The following CELSR3 variants were observed in gnomAD, a reference collection of about 807,000 sequenced individuals.
CELSR3 encodes the protein EGF-like protein 1.
A neutral mutation model predicts 270.0 loss-of-function variants in CELSR3; 73 were observed. The ratio of observed to expected loss-of-function variants is 0.27; its 90% CI spans 0.22 to 0.33. The LOEUF is 0.33. Ranked by LOEUF, CELSR3 falls within the 10% of genes least tolerant of loss-of-function variation. The pLI is 1.00. For missense variants in CELSR3, 3,614 were observed against 4,533.8 expected, an observed-to-expected ratio of 0.80 and a Z score of 5.83; for synonymous variants, 1,780 against 1,905.4, an observed-to-expected ratio of 0.93 and a Z score of 1.71.
Position 48,646,443 on chromosome 3 carries a change from G to T in CELSR3, c.7296-186C>A, listed in dbSNP as rs1575540545. Reference sequence around the variant, plus strand: ...GCTGAGGGGCTGAGCAGCTCCAGGGGACCTGCAACTGTTTGCCTCTGATTG... The same window carrying T: ...GCTGAGGGGCTGAGCAGCTCCAGGGTACCTGCAACTGTTTGCCTCTGATTG... On this transcript the variant is annotated intron_variant, in intron 21 of 34. Coordinates refer to ENST00000164024, the MANE Select transcript of CELSR3 (RefSeq NM_001407.3). This position sits in a 1 kb window ranked among gnomAD's most constrained non-coding sequence, Gnocchi z 4.8. Among the ~76,000 whole-genome samples the T allele has an allele frequency of 6.6e-6, 1 of 152,192 alleles. No homozygotes were observed. Among genetic ancestry groups the T allele is most frequent in the South Asian group, 2.1e-4 (1 of 4,836 alleles).
Position 48,657,477 on chromosome 3 carries a change from G to T in CELSR3, c.3749-129C>A. 1 of 950,330 alleles carries T rather than the reference G, an allele frequency of 1.1e-6. No homozygotes were observed. Among genetic ancestry groups the T allele is most frequent in the Non-Finnish European group, 1.5e-6 (1 of 658,034 alleles). 58.9% of individuals were successfully genotyped at this position (950,330 alleles called of 1,614,324 possible). ...CTAAGTCAGCAGGCTGACCCCACCA[G>T]GACACAAGGGAGTCTGGGGCTAGTG... is the stretch of plus-strand genomic sequence containing the variant. On this transcript the variant is annotated intron_variant, in intron 1 of 34. Coordinates refer to ENST00000164024, the MANE Select transcript of CELSR3 (RefSeq NM_001407.3). The surrounding 1 kb of genome is among the most constrained non-coding windows in gnomAD (Gnocchi z 5.4).
Position 48,641,730 on chromosome 3 carries a change from C to A in CELSR3, c.8824+121G>T, listed in dbSNP as rs1575538061. On this transcript the variant is annotated intron_variant, in intron 32 of 34. Coordinates refer to ENST00000164024, the MANE Select transcript of CELSR3 (RefSeq NM_001407.3). This position sits in a 1 kb window ranked among gnomAD's most constrained non-coding sequence, Gnocchi z 4.8. Reference sequence around the variant, plus strand: ...TGGACAGAGACTAAAAGTTGGGGAACCTGATGACTGAGGGGTCAGAAAGAC... The same window carrying A: ...TGGACAGAGACTAAAAGTTGGGGAAACTGATGACTGAGGGGTCAGAAAGAC... 3 of 1,087,642 alleles carry A rather than the reference C, an allele frequency of 2.8e-6. No individual in the cohort carries two copies. Among genetic ancestry groups the A allele is most frequent in the South Asian group, 3.4e-5 (2 of 58,750 alleles). The allele number at this position is 1,087,642 out of a possible 1,614,324, so 67.4% of individuals were successfully genotyped here.
rs758323399 is a variant in CELSR3 at position 48,658,940 on chromosome 3, C to T, written c.3695G>A (p.Arg1232Gln). Residue 1232 changes from arginine to glutamine, a missense_variant, in exon 1 of 35, where the codon CGA becomes CAA. Transcript: ENST00000164024. The surrounding 1 kb of genome is among the most constrained non-coding windows in gnomAD (Gnocchi z 4.7). ...NQTSGELRLSRKLDNNRPLVA... is the reference protein window; with the variant it reads ...NQTSGELRLSQKLDNNRPLVA... ...CAGTGGGCGGTTATTGTCTAGCTTT[C>T]GGCTGAGTCGCAGCTCCCCACTGGT... The T allele has an allele frequency of 6.8e-6, 11 of 1,614,158 alleles. No homozygotes were observed. The highest frequency in any genetic ancestry group is 2.2e-5 in the East Asian group (1 of 44,888).
chr3:48,646,609 C>T lies in CELSR3; in HGVS notation c.7295+154G>A, dbSNP rs1441500278. On this transcript the variant is annotated intron_variant, in intron 21 of 34. Transcript: ENST00000164024. The surrounding 1 kb of genome is among the most constrained non-coding windows in gnomAD (Gnocchi z 4.8). ...GTGGCTCTGTCACTCTGCACAACTCCAGAGAATAAGATTCACACAGAACCC... is the reference window on the plus strand; with the variant it reads ...GTGGCTCTGTCACTCTGCACAACTCTAGAGAATAAGATTCACACAGAACCC... Among the ~76,000 whole-genome samples, 1 of 152,218 alleles carries T rather than the reference C, an allele frequency of 6.6e-6. No homozygotes were observed. The highest frequency in any genetic ancestry group is 6.5e-5 in the Admixed American group (1 of 15,288).
rs748690909 is a variant in CELSR3, at chr3:48,661,163, C to G, written c.1472G>C (p.Arg491Pro). Reference sequence around the variant, plus strand: ...GCCGCTGGTGCTGATGAGGCCGGAGCGTGGATCAATCTCGAAGGCGGCGGC... The same window carrying G: ...GCCGCTGGTGCTGATGAGGCCGGAGGGTGGATCAATCTCGAAGGCGGCGGC... The part of the protein sequence containing the change: ...AAAAAFEIDP[R>P]SGLISTSGRV... The change falls in exon 1 of 35, where the codon CGC becomes CCC. Residue 491 changes from arginine (R) to proline (P), a missense_variant. Transcript: ENST00000164024. 2.5e-6 allele frequency: 4 copies of G among 1,601,082 alleles called. No homozygotes were observed. The African/African-American group carries it at 5.4e-5, about 21-fold the overall frequency.
At position 48,637,881 on chromosome 3, in the gene CELSR3, CTCTCCCTCTA is replaced by C. The variant is rs1559473954; in HGVS notation, c.*314_*323del. On this transcript the variant is annotated 3_prime_UTR_variant, in exon 35 of 35. Coordinates refer to ENST00000164024, the MANE Select transcript of CELSR3 (RefSeq NM_001407.3). ...GGACCCAAATGGGGTCAAACTGCAT[CTCTCCCTCTA>C]TCTCCCTCCCCCTCCCAGCCCAGCC... 2 of 364,352 alleles carry C rather than the reference CTCTCCCTCTA, an allele frequency of 5.5e-6. No homozygotes were observed. The highest frequency in any genetic ancestry group is 1.0e-5 in the Non-Finnish European group (2 of 194,322). 22.6% of individuals were successfully genotyped at this position (364,352 alleles called of 1,614,324 possible).
At position 48,655,079 on chromosome 3, in the gene CELSR3, T is replaced by C. The variant is rs112461559; in HGVS notation, c.4953A>G (p.Ser1651=). The change falls in exon 6 of 35, where the codon TCA becomes TCG. Residue 1651 remains serine, a synonymous_variant. Transcript: ENST00000164024. The surrounding 1 kb of genome is among the most constrained non-coding windows in gnomAD (Gnocchi z 5.8). Reference sequence around the variant, plus strand: ...TTGTTTGCACACCAGCAGCCGCGCATGAGTAGTTGCCAATCTCAGCACCAA... The same window carrying C: ...TTGTTTGCACACCAGCAGCCGCGCACGAGTAGTTGCCAATCTCAGCACCAA... The part of the protein sequence containing the change: ...LQFGAEIGNY[S]CAAAGVQTSS... 8.6e-5 allele frequency: 138 copies of C among 1,613,840 alleles called. 1 individual carries two copies. In the East Asian group the frequency reaches 1.2e-3, roughly 15 times the overall value.
At position 48,643,541 on chromosome 3, in the gene CELSR3, G is replaced by T. The variant is rs766797930; in HGVS notation, c.8289+13C>A. The T allele has an allele frequency of 1.4e-5, 22 of 1,548,328 alleles. No individual in the cohort carries two copies. The Admixed American group carries it at 3.1e-4, about 22-fold the overall frequency. On this transcript the variant is annotated intron_variant, in intron 28 of 34. Transcript: ENST00000164024. ...CACCTGGTTCTGGGGCAAGGGAGGGGCACCAGAGTCACCTGGAGGCCGCAG... is the reference window on the plus strand; with the variant it reads ...CACCTGGTTCTGGGGCAAGGGAGGGTCACCAGAGTCACCTGGAGGCCGCAG...
rs1163210892 is a variant in CELSR3 at position 48,645,657 on chromosome 3, G to T, written c.7591-8C>A. 6.2e-7 allele frequency: 1 copy of T among 1,606,206 alleles called. No individual in the cohort carries two copies. Among genetic ancestry groups the T allele is most frequent in the Non-Finnish European group, 8.5e-7 (1 of 1,174,552 alleles). ...CAGGTCGCCCTCCAGCCTCTACAGA[G>T]ACAGGGATGGTTGATGGGTTGTTGG... On this transcript the variant is annotated splice_polypyrimidine_tract_variant and splice_region_variant and intron_variant, in intron 23 of 34. Coordinates refer to ENST00000164024, the MANE Select transcript of CELSR3 (RefSeq NM_001407.3). This position sits in a 1 kb window ranked among gnomAD's most constrained non-coding sequence, Gnocchi z 5.4.
chr3:48,645,275 T>A lies in CELSR3; in HGVS notation c.7798-66A>T. On this transcript the variant is annotated intron_variant, in intron 24 of 34. Transcript: ENST00000164024. This position sits in a 1 kb window ranked among gnomAD's most constrained non-coding sequence, Gnocchi z 5.4. The stretch of plus-strand genomic sequence containing the variant: ...CCACCTCTGACCCCTACCCCAGGCA[T>A]CTGCTTCCCACCTCTCACCCCTAAA... 6.5e-7 allele frequency: 1 copy of A among 1,540,288 alleles called. No individual in the cohort carries two copies. The highest frequency in any genetic ancestry group is 8.8e-7 in the Non-Finnish European group (1 of 1,135,936).
chr3:48,643,417 T>C (rs1559476188), intron 28 of CELSR3, 137 bp downstream of exon 28: 20 of 1,225,698 alleles, frequency 1.6e-5, no homozygotes, highest in Non-Finnish European at 1.8e-5. Context: ...CAGTGTCTGG[T>C]CTGGGGTAGT....
rs529260845 is a variant in CELSR3 at position 48,657,632 on chromosome 3, C to G, written c.3749-284G>C. ...TGCCCATGGGTTAGCAAGTCACTCCCGCAACAGCACTCAAGTACCCTAAGT... is the reference window on the plus strand; with the variant it reads ...TGCCCATGGGTTAGCAAGTCACTCCGGCAACAGCACTCAAGTACCCTAAGT... On this transcript the variant is annotated intron_variant, in intron 1 of 34. Transcript: ENST00000164024. The surrounding 1 kb of genome is among the most constrained non-coding windows in gnomAD (Gnocchi z 5.4). Among the ~76,000 whole-genome samples, 2 of 152,164 alleles carry G rather than the reference C, an allele frequency of 1.3e-5. No homozygotes were observed. The highest frequency in any genetic ancestry group is 6.5e-5 in the Admixed American group (1 of 15,278).
Position 48,650,980 on chromosome 3 carries a change from C to A in CELSR3, c.6282G>T (p.Gly2094=). Residue 2094 remains glycine, a synonymous_variant, in exon 15 of 35, where the codon GGG becomes GGT. Coordinates refer to ENST00000164024, the MANE Select transcript of CELSR3 (RefSeq NM_001407.3). The surrounding 1 kb of genome is among the most constrained non-coding windows in gnomAD (Gnocchi z 5.1). The part of the protein sequence containing the change: ...STSRSCAPHS[G]QCPCRPGALG... ...GGGCTCCTGGGCGACAGGGGCACTG[C>A]CCGCTGTGGGGTGCACATGAGCGCG... 1.2e-6 allele frequency: 2 copies of A among 1,611,530 alleles called. No individual in the cohort carries two copies. The highest frequency in any genetic ancestry group is 1.3e-5 in the African/African-American group (1 of 75,014).
intron 16 of CELSR3, among the ~76,000 whole-genome samples, chr3:48,649,619 G>A (rs1444491670): frequency 6.6e-6 from 1 of 152,168 alleles, no homozygotes; most frequent in African/African-American, 2.4e-5. Flanking sequence ...ACACAGAAGA[G>A]GGCTTCTAGG....
rs1163705907 is a variant in CELSR3 at position 48,642,416 on chromosome 3, G to A, written c.8607C>T (p.Ser2869=). The A allele has an allele frequency of 2.5e-6, 4 of 1,613,334 alleles. No individual in the cohort carries two copies. The East Asian group carries it at 6.7e-5, about 27-fold the overall frequency. Residue 2869 remains serine (S), a synonymous_variant, in exon 31 of 35, where the codon AGC becomes AGT. Transcript: ENST00000164024. The surrounding 1 kb of genome is among the most constrained non-coding windows in gnomAD (Gnocchi z 6.1). ...CAGTGGGGCCAGCATGAGCCTGGAG[G>A]CTGTGGTCAGTGTGGTCAGCGGCTG... ...HGSAADHTDH[S]LQAHAGPTDL... is the part of the protein sequence containing the mutation.
rs753324525 is a variant in CELSR3 at position 48,653,008 on chromosome 3, G to T, written c.5628C>A (p.Leu1876=). 3 of 1,613,000 alleles carry T rather than the reference G, an allele frequency of 1.9e-6. No individual in the cohort carries two copies. In the South Asian group the frequency reaches 3.3e-5, roughly 18 times the overall value. The stretch of plus-strand genomic sequence containing the variant: ...CCGGGGTCAGAGGCCAGACCTGGAA[G>T]AGGCTAAAGTCCAGTGAGACCATAA... ...HVLMVSLDFS[L]FQDTMAVGSE... Residue 1876 remains leucine (L), a synonymous_variant, in exon 10 of 35, where the codon CTC becomes CTA. Coordinates refer to ENST00000164024, the MANE Select transcript of CELSR3 (RefSeq NM_001407.3). This position sits in a 1 kb window ranked among gnomAD's most constrained non-coding sequence, Gnocchi z 6.5.
Position 48,651,184 on chromosome 3 carries a change from T to C in CELSR3, c.6187-109A>G, listed in dbSNP as rs2047133927. ...CAGTGCTCATGGGCCAGAGGACACC[T>C]GGGTCATGCGTGAAGCCAAGGGAGG... On this transcript the variant is annotated intron_variant, in intron 14 of 34. Transcript: ENST00000164024. This position sits in a 1 kb window ranked among gnomAD's most constrained non-coding sequence, Gnocchi z 7.4. 2.8e-6 allele frequency: 4 copies of C among 1,440,944 alleles called. No individual in the cohort carries two copies. The highest frequency in any genetic ancestry group is 3.8e-6 in the Non-Finnish European group (4 of 1,053,240). 89.3% of individuals were successfully genotyped at this position (1,440,944 alleles called of 1,614,324 possible).
In CELSR3 at chr3:48,656,997, G is replaced by C; in HGVS notation, c.4100C>G (p.Ser1367Cys). The change falls in exon 2 of 35, where the codon TCC becomes TGC. Residue 1367 changes from serine to cysteine, a missense_variant. Ser to Cys is a moderately radical substitution (Grantham distance 112, BLOSUM62 -1). Transcript: ENST00000164024. ...GTCGAAGGGCAGTACGTCGAGCAGGGAGCGAGCCGCCAGCGCCGCCCGGCG... is the reference window on the plus strand; with the variant it reads ...GTCGAAGGGCAGTACGTCGAGCAGGCAGCGAGCCGCCAGCGCCGCCCGGCG... The part of the protein sequence containing the change: ...YVRRAALAAR[S>C]LLDVLPFDDN... 6.2e-7 allele frequency: 1 copy of C among 1,612,962 alleles called. No individual in the cohort carries two copies. Among genetic ancestry groups the C allele is most frequent in the Non-Finnish European group, 8.5e-7 (1 of 1,179,592 alleles).
chr3:48,641,543 T>C lies in CELSR3; in HGVS notation c.8825-19A>G. 1 of 1,585,732 alleles carries C rather than the reference T, an allele frequency of 6.3e-7. No homozygotes were observed. The highest frequency in any genetic ancestry group is 8.6e-7 in the Non-Finnish European group (1 of 1,156,862). On this transcript the variant is annotated intron_variant, in intron 32 of 34. Coordinates refer to ENST00000164024, the MANE Select transcript of CELSR3 (RefSeq NM_001407.3). This position sits in a 1 kb window ranked among gnomAD's most constrained non-coding sequence, Gnocchi z 4.8. ...TCCACATCTGTGGAGCCAGGTCAGG[T>C]TACAGGAGCTTCTGGGTTGATCCCA...
Sources: allele counts gnomAD v4.1 joint callset (sites outside exome capture counted in the v4.1 genomes callset), GRCh38; gene constraint gnomAD v4.1.1; non-coding constraint Gnocchi (gnomAD v3.1); transcripts MANE v1.5; gene names NCBI Gene and HGNC (gene_info 2026-07-23, HGNC 2026-07-21).